NEK10: variants seen among roughly 807,000 people sequenced by gnomAD.
NEK10 encodes the protein NIMA related kinase 10, also known as serine/threonine-protein kinase Nek10.
Under a neutral mutation model 159.8 loss-of-function variants are expected in NEK10, and 122 were observed. That is an observed-to-expected ratio of 0.76 (90% confidence interval 0.66 to 0.89). The LOEUF is 0.89. Ranked by LOEUF, NEK10 falls within the 40% of genes least tolerant of loss-of-function variation. The pLI is 0.00. For synonymous variants in NEK10, 466 were observed against 457.1 expected, an observed-to-expected ratio of 1.02 and a Z score of -0.25; for missense variants, 1,342 against 1,323.1, an observed-to-expected ratio of 1.01 and a Z score of -0.22.
chr3:27,260,759 CT>C (rs1199465984), intron 22 of NEK10, among the ~76,000 whole-genome samples: 9 of 151,972 alleles, frequency 5.9e-5, no homozygotes, highest in Middle Eastern at 3.4e-3. Flanking sequence ...AGGATTCCCT[CT>C]TTTTTTTATT....
At chr3:27,154,935 A>AAGATTGGAAGACTATGTCTTCAACAT (rs1945256190) in intron 30 of NEK10, among the ~76,000 whole-genome samples, 1 of 152,178 alleles carries the variant, frequency 6.6e-6, no homozygotes, top group Admixed American at 6.5e-5. Flanking sequence ...ATAGTACTGG[A>AAGATTGGAAGACTATGTCTTCAACAT]AGTCCTAGCC....
chr3:27,209,264 T>A (rs1950793467), intron 23 of NEK10, among the ~76,000 whole-genome samples: 1 of 152,236 alleles, frequency 6.6e-6, no homozygotes, highest in Non-Finnish European at 1.5e-5. Context: ...CATCTGGCAA[T>A]CCTAAATTGC....
intron 22 of NEK10, among the ~76,000 whole-genome samples, chr3:27,282,554 ATATATACATAACTGTGT>A (rs1280532760): frequency 6.1e-3 from 852 of 140,594 alleles, no homozygotes; most frequent in Non-Finnish European, 8.6e-3. Context: ...ATATATATAT[ATATATACATAACTGTGT>A]TATATATATA....
chr3:27,116,438 T>C (rs2125420268), intron 33 of NEK10, among the ~76,000 whole-genome samples: 2 of 152,184 alleles, frequency 1.3e-5, no homozygotes, highest in Middle Eastern at 6.8e-3. Flanking sequence ...TGAGGGGTGA[T>C]TCCCAATGCA....
At chr3:27,145,765 T>G (rs1363977925) in intron 30 of NEK10, among the ~76,000 whole-genome samples, 3 of 152,002 alleles carry the variant, frequency 2.0e-5, no homozygotes, top group Non-Finnish European at 4.4e-5. Flanking sequence ...GGAGACTGAG[T>G]GCTGTGGTCT....
chr3:27,311,387 G>A (rs1301473837), intron 8 of NEK10: 1 of 163,926 alleles, frequency 6.1e-6, no homozygotes, highest in African/African-American at 2.4e-5. Flanking sequence ...CAAATGAGAG[G>A]AACCTGCACG....
chr3:27,304,207 A>G (rs141954794), intron 12 of NEK10, among the ~76,000 whole-genome samples: 3 of 152,346 alleles, frequency 2.0e-5, no homozygotes, highest in East Asian at 3.9e-4. Context: ...AAAGTAGAGA[A>G]CTGGACTAGA....
At chr3:27,206,138 G>C (rs1188625125) in intron 23 of NEK10, among the ~76,000 whole-genome samples, 1 of 152,174 alleles carries the variant, frequency 6.6e-6, no homozygotes, top group East Asian at 1.9e-4. Flanking sequence ...TGCAGATTAG[G>C]ATTTCAGTAT....
intron 32 of NEK10, 95 bp from the exon 33 acceptor site, chr3:27,119,963 G>T: frequency 2.4e-6 from 2 of 837,406 alleles, no homozygotes; most frequent in Admixed American, 4.0e-5. Flanking sequence ...CTATGTCTCT[G>T]CACAGAAAAT....
At chr3:27,145,515 C>A (rs899469767) in intron 30 of NEK10, among the ~76,000 whole-genome samples, 1 of 152,178 alleles carries the variant, frequency 6.6e-6, no homozygotes, top group Non-Finnish European at 1.5e-5. Flanking sequence ...CTAGCTTACT[C>A]TGTTGCAAGC....
chr3:27,256,108 G>A (rs1956139193), intron 23 of NEK10, among the ~76,000 whole-genome samples, 188 bp downstream of exon 23: 1 of 152,116 alleles, frequency 6.6e-6, no homozygotes, highest in African/African-American at 2.4e-5. Flanking sequence ...GATTATTTTT[G>A]TGGTGGTTGT....
intron 32 of NEK10, among the ~76,000 whole-genome samples, chr3:27,123,251 G>A (rs1271839563): frequency 6.6e-6 from 1 of 152,164 alleles, no homozygotes; most frequent in Non-Finnish European, 1.5e-5. Context: ...ATGAAATAGT[G>A]ATTTGTAAAC....
At chr3:27,265,225 A>T (rs1187501327) in intron 22 of NEK10, among the ~76,000 whole-genome samples, 1 of 152,228 alleles carries the variant, frequency 6.6e-6, no homozygotes, top group African/African-American at 2.4e-5. Context: ...TCTATTGAAG[A>T]TTCAGGTAAG....
intron 6 of NEK10, among the ~76,000 whole-genome samples, chr3:27,318,872 G>C (rs561686734): frequency 1.1e-4 from 16 of 152,058 alleles, no homozygotes; most frequent in African/African-American, 3.6e-4. Context: ...ACAACAAAAA[G>C]ATAGTTGAAG....
At chr3:27,309,982 A>T (rs1483641774) in intron 9 of NEK10, 1 of 152,082 alleles carries the variant, frequency 6.6e-6, no homozygotes, top group Non-Finnish European at 1.5e-5. Flanking sequence ...AATTCTCTAC[A>T]TTTTCAGAAT....
intron 23 of NEK10, among the ~76,000 whole-genome samples, chr3:27,243,491 C>A (rs1277603036): frequency 1.3e-5 from 2 of 151,942 alleles, no homozygotes; most frequent in African/African-American, 4.8e-5. Flanking sequence ...ATATGTTTAC[C>A]CTCATCACCT....
At chr3:27,111,687 C>A (rs944405828) in intron 35 of NEK10, among the ~76,000 whole-genome samples, 2 of 152,026 alleles carry the variant, frequency 1.3e-5, no homozygotes, top group African/African-American at 4.8e-5. Flanking sequence ...GATTTGTTAT[C>A]TTGTATACTG....
In NEK10 at chr3:27,284,631, A is replaced by G; in HGVS notation, c.1985T>C (p.Met662Thr). 6.2e-7 allele frequency: 1 copy of G among 1,602,346 alleles called. No homozygotes were observed. Among genetic ancestry groups the G allele is most frequent in the Non-Finnish European group, 8.6e-7 (1 of 1,169,330 alleles). Residue 662 changes from methionine (M) to threonine (T), a missense_variant, in exon 22 of 36, where the codon ATG (methionine) becomes ACG (threonine). Met to Thr is a moderately conservative substitution (Grantham distance 81, BLOSUM62 -1). Coordinates refer to ENST00000691995, the MANE Select transcript of NEK10 (RefSeq NM_001394966.1). ...VHRDLTPNNI[M>T]LGDKDKVTVT... ...GGTTACTTTGTCCTTATCCCCCAAC[A>G]TAATGTTGTTTGGTGTCAGATCTCT... is the stretch of plus-strand genomic sequence containing the variant.
Position 27,141,230 on chromosome 3 carries a change from G to T in NEK10, c.2970+252C>A, listed in dbSNP as rs139764358. Among the ~76,000 whole-genome samples the T allele has an allele frequency of 4.2e-3, 640 of 152,222 alleles. 6 individuals are homozygous for T. The highest frequency in any genetic ancestry group is 0.014 in the African/African-American group (568 of 41,538). On this transcript the variant is annotated intron_variant, in intron 31 of 35. Transcript: ENST00000691995. ...CACCCCTACAGGAGGGCCATTTATGGTGAAGTTTGGTTTGTTTGGGCACTA... is the reference window on the plus strand; with the variant it reads ...CACCCCTACAGGAGGGCCATTTATGTTGAAGTTTGGTTTGTTTGGGCACTA...
Sources: gnomAD v4.1 joint callset for allele counts (sites outside exome capture counted in the v4.1 genomes callset) on GRCh38, gnomAD v4.1.1 for gene constraint, MANE v1.5 for transcripts, NCBI Gene and HGNC (gene_info 2026-07-23, HGNC 2026-07-21) for gene names.